SCN10A: variants seen among roughly 807,000 people sequenced by gnomAD.
SCN10A encodes sodium channel protein type 10 subunit alpha.
Under a neutral mutation model 170.7 loss-of-function variants are expected in SCN10A, and 162 were observed. That is an observed-to-expected ratio of 0.95 (90% confidence interval 0.84 to 1.08). The LOEUF (loss-of-function observed/expected upper bound fraction) is 1.08, where lower values mean the gene tolerates loss of function less well. SCN10A is among the 50% of genes least tolerant of loss of function. The pLI, the probability that SCN10A is intolerant of heterozygous loss-of-function variation, is 0.00. For synonymous variants in SCN10A, 985 were observed against 904.6 expected (o/e 1.09, Z -1.59); for missense variants, 2,527 against 2,436.9 (o/e 1.04, Z -0.78).
At chr3:38,772,729 AC>A (rs1295020753) in intron 4 of SCN10A, among the ~76,000 whole-genome samples, 7,394 of 106,444 alleles carry the variant, frequency 0.069, 451 homozygotes, top group African/African-American at 0.18. Flanking sequence ...AACAACAAAA[AC>A]AAAAACAAAA....
intron 21 of SCN10A, among the ~76,000 whole-genome samples, chr3:38,717,564 G>A (rs1479587185): frequency 6.6e-6 from 1 of 152,244 alleles, no homozygotes; most frequent in Admixed American, 6.5e-5. Context: ...GCCTGAAGCT[G>A]CTAGTGCATT....
rs2063220868 is a variant in SCN10A at position 38,707,321 on chromosome 3, C to T, written c.4344G>A (p.Lys1448=). 1 of 1,614,158 alleles carries T rather than the reference C, an allele frequency of 6.2e-7. No homozygotes were observed. The highest frequency in any genetic ancestry group is 8.5e-7 in the Non-Finnish European group (1 of 1,180,018). ...EQKKYYNAMK[K]LGSKKPQKPI... Reference sequence around the variant, plus strand: ...GCTTCTGGGGCTTCTTGGAGCCCAACTTCTTCATGGCATTGTAGTATTTCT... The same window carrying T: ...GCTTCTGGGGCTTCTTGGAGCCCAATTTCTTCATGGCATTGTAGTATTTCT... The change falls in exon 26 of 28, where the codon AAG becomes AAA. Residue 1448 remains lysine (K), a synonymous_variant. Coordinates refer to ENST00000449082, the MANE Select transcript of SCN10A (RefSeq NM_006514.4).
intron 17 of SCN10A, 138 bp from the exon 18 acceptor site, chr3:38,725,452 T>C (rs1180823803): frequency 1.6e-6 from 1 of 624,006 alleles, no homozygotes; most frequent in South Asian, 3.8e-5. Context: ...CATATATACA[T>C]ACACGTGTGT....
chr3:38,811,180 C>T (rs979862831), intron 1 of SCN10A, among the ~76,000 whole-genome samples: 12 of 152,124 alleles, frequency 7.9e-5, no homozygotes, highest in Admixed American at 2.6e-4. Context: ...AGTCCAGGCA[C>T]GGTGGCTCAC....
Position 38,761,238 on chromosome 3 carries a change from A to T in SCN10A, c.837T>A (p.Asn279Lys). 1.2e-6 allele frequency: 2 copies of T among 1,609,994 alleles called. No individual in the cohort carries two copies. Among genetic ancestry groups the T allele is most frequent in the Non-Finnish European group, 1.7e-6 (2 of 1,177,014 alleles). ...KGNLKNKCVK[N>K]DMAVNETTNY... ...TGGTTGTCTCATTGACAGCCATGTC[A>T]TTCTTGACACATTTATTTTTGAGGT... The change falls in exon 7 of 28, where the codon AAT becomes AAA. Residue 279 changes from asparagine to lysine, a missense_variant. Coordinates refer to ENST00000449082, the MANE Select transcript of SCN10A (RefSeq NM_006514.4).
intron 4 of SCN10A, among the ~76,000 whole-genome samples, chr3:38,781,515 C>A (rs2064138831): frequency 6.6e-6 from 1 of 152,124 alleles, no homozygotes. Context: ...AGTTTTGCCT[C>A]ATCCACCATA....
chr3:38,740,443 C>A (rs759693337), intron 14 of SCN10A, among the ~76,000 whole-genome samples: 1 of 152,172 alleles, frequency 6.6e-6, no homozygotes, highest in Non-Finnish European at 1.5e-5. Context: ...GAGAAACAGA[C>A]AATGCATCCT....
chr3:38,813,418 T>A (rs2064452871), intron 1 of SCN10A, among the ~76,000 whole-genome samples: 1 of 152,204 alleles, frequency 6.6e-6, no homozygotes, highest in African/African-American at 2.4e-5. Context: ...TTTCTTTATA[T>A]ATAAAATGAG....
chr3:38,797,478 A>C (rs1230813933), intron 1 of SCN10A, among the ~76,000 whole-genome samples: 1 of 152,206 alleles, frequency 6.6e-6, no homozygotes, highest in African/African-American at 2.4e-5. Flanking sequence ...TTTCAAAGTC[A>C]ACCTACATTA....
rs773638118 is a variant in SCN10A, at chr3:38,702,046, C to T, written c.4450G>A (p.Val1484Ile). 6.2e-7 allele frequency: 1 copy of T among 1,602,852 alleles called. No homozygotes were observed. ...GTGATCATGTTGAGGCAGATGAGGACCATGATGGTGATGTCAAAAGCTTGT... is the reference window on the plus strand; with the variant it reads ...GTGATCATGTTGAGGCAGATGAGGATCATGATGGTGATGTCAAAAGCTTGT... ...TRQAFDITIM[V>I]LICLNMITMM... The change falls in exon 27 of 28, where the codon GTC (valine) becomes ATC (isoleucine). Residue 1484 changes from valine to isoleucine, a missense_variant. By Grantham distance (29) the Val-to-Ile change is conservative (BLOSUM62 3). Transcript: ENST00000449082.
chr3:38,713,922 C>G, intron 22 of SCN10A, 36 bp downstream of exon 22: 6 of 1,610,770 alleles, frequency 3.7e-6, no homozygotes, highest in Non-Finnish European at 5.1e-6. Context: ...ACCACCGTGC[C>G]TGGCCAGATG....
intron 1 of SCN10A, among the ~76,000 whole-genome samples, chr3:38,799,419 A>G (rs2064358780): frequency 6.6e-6 from 1 of 152,232 alleles, no homozygotes; most frequent in African/African-American, 2.4e-5. Context: ...CCTCTGGGAA[A>G]AATAATGTAG....
At chr3:38,768,988 T>C (rs2063966874) in intron 5 of SCN10A, among the ~76,000 whole-genome samples, 1 of 152,166 alleles carries the variant, frequency 6.6e-6, no homozygotes, top group South Asian at 2.1e-4. Flanking sequence ...TTTGGGTCTA[T>C]TAAAAGCTTT....
At chr3:38,794,629 C>T (rs1040412607) in intron 1 of SCN10A, among the ~76,000 whole-genome samples, 5 of 152,150 alleles carry the variant, frequency 3.3e-5, no homozygotes, top group African/African-American at 1.2e-4. Flanking sequence ...CCAGATTAGA[C>T]CTGTGGTCCA....
Position 38,749,503 on chromosome 3 carries a change from T to A in SCN10A, c.1867+570A>T, listed in dbSNP as rs531087683. On this transcript the variant is annotated intron_variant, in intron 13 of 27. Coordinates refer to ENST00000449082, the MANE Select transcript of SCN10A (RefSeq NM_006514.4). ...TCTACCCTTTGGCTTGGAACTTAGA[T>A]ACATTGCTGGGGAGACTGAGTGGAT... is the stretch of plus-strand genomic sequence containing the variant. 9.5e-4 allele frequency among the ~76,000 whole-genome samples: 144 copies of A among 152,354 alleles called. 1 individual carries two copies. Among genetic ancestry groups the A allele is most frequent in the Middle Eastern group, 6.8e-3 (2 of 294 alleles).
chr3:38,792,006 G>A, intron 3 of SCN10A, 44 bp downstream of exon 3: 1 of 1,607,572 alleles, frequency 6.2e-7, no homozygotes, highest in South Asian at 1.1e-5. Flanking sequence ...CAGTAGGCAA[G>A]GTCTAATTGT....
intron 5 of SCN10A, among the ~76,000 whole-genome samples, chr3:38,767,806 C>T (rs2063950185): frequency 6.6e-6 from 1 of 152,046 alleles, no homozygotes; most frequent in Non-Finnish European, 1.5e-5. Flanking sequence ...GACTTTCTGT[C>T]TTGATGACCT....
At chr3:38,740,221 A>G (rs1333700981) in intron 14 of SCN10A, among the ~76,000 whole-genome samples, 1 of 152,228 alleles carries the variant, frequency 6.6e-6, no homozygotes, top group Non-Finnish European at 1.5e-5. Flanking sequence ...AGTGACTAGT[A>G]AGAACAATGA....
chr3:38,811,321 C>A (rs957679511), intron 1 of SCN10A, among the ~76,000 whole-genome samples: 1 of 151,830 alleles, frequency 6.6e-6, no homozygotes, highest in Non-Finnish European at 1.5e-5. Context: ...GGCATGGTGG[C>A]GTGAACCTGT....
Sources: allele counts gnomAD v4.1 joint callset (sites outside exome capture counted in the v4.1 genomes callset), GRCh38; gene constraint gnomAD v4.1.1; transcripts MANE v1.5; gene names NCBI Gene and HGNC (gene_info 2026-07-23, HGNC 2026-07-21).